Variants in ANTXR1 observed in about 807,000 individuals in gnomAD.
ANTXR1 encodes the protein anthrax toxin receptor 1.
Under a neutral mutation model 78.1 loss-of-function variants are expected in ANTXR1, and 19 were observed. The ratio of observed to expected loss-of-function variants is 0.24; its 90% confidence interval spans 0.17 to 0.36. The LOEUF (loss-of-function observed/expected upper bound fraction) is 0.36. ANTXR1 is among the 10% of genes least tolerant of loss of function. The pLI is 1.00. For synonymous variants in ANTXR1, 273 were observed against 260.5 expected (o/e 1.05, Z -0.46); for missense variants, 518 against 718.6 (o/e 0.72, Z 3.19).
At chr2:69,093,027 A>T (rs150079295) in intron 9 of ANTXR1, among the ~76,000 whole-genome samples, 1 of 152,364 alleles carries the variant, frequency 6.6e-6, no homozygotes, top group Non-Finnish European at 1.5e-5. Flanking sequence ...CAACCTTGGA[A>T]TGAATCAGAA....
At position 69,041,237 on chromosome 2, in the gene ANTXR1, C is replaced by T. The variant is rs370628740; in HGVS notation, c.224+1122C>T. 1.2e-3 allele frequency among the ~76,000 whole-genome samples: 189 copies of T among 152,282 alleles called. 9 individuals carry two copies. The South Asian group carries it at 0.037, about 30-fold the overall frequency. The stretch of plus-strand genomic sequence containing the variant: ...CATAGAAACTAGGAATTAAAAGGAA[C>T]GAGACTTCCCAGCCTATCCTAGGAG... On this transcript the variant is annotated intron_variant, in intron 2 of 17. Transcript: ENST00000303714.
intron 16 of ANTXR1, among the ~76,000 whole-genome samples, chr2:69,188,882 G>T (rs1674487398): frequency 6.6e-6 from 1 of 152,194 alleles, no homozygotes; most frequent in Admixed American, 6.5e-5. Context: ...CCAAAGGGTT[G>T]TTATTAACGA....
intron 17 of ANTXR1, among the ~76,000 whole-genome samples, chr2:69,195,979 A>G (rs1674659560): frequency 6.6e-6 from 1 of 152,252 alleles, no homozygotes; most frequent in South Asian, 2.1e-4. Context: ...GTTATAGGAA[A>G]GAGGCTGGAT....
At chr2:69,197,145 C>T (rs2104480643) in intron 17 of ANTXR1, among the ~76,000 whole-genome samples, 1 of 152,318 alleles carries the variant, frequency 6.6e-6, no homozygotes, top group African/African-American at 2.4e-5. Flanking sequence ...TTCCTTGGAG[C>T]CCACCAGGAA....
rs1410040712 is a variant in ANTXR1, at chr2:69,246,209, T to C, written c.*724T>C. 1 of 152,354 alleles carries C rather than the reference T, an allele frequency of 6.6e-6. No individual in the cohort carries two copies. The highest frequency in any genetic ancestry group is 1.5e-5 in the Non-Finnish European group (1 of 68,052). The allele number at this position is 152,354 out of a possible 1,614,324, so 9.4% of individuals were successfully genotyped here. On this transcript the variant is annotated 3_prime_UTR_variant, in exon 18 of 18. Transcript: ENST00000303714. ...TGTGCAATAGACAGGGGCGTATTCA[T>C]GGGAGCATCAGCCAGTTTCTAAAAC... is the stretch of plus-strand genomic sequence containing the variant.
intron 3 of ANTXR1, among the ~76,000 whole-genome samples, chr2:69,049,813 A>G (rs552568375): frequency 1.3e-5 from 2 of 152,270 alleles, no homozygotes; most frequent in South Asian, 2.1e-4. Flanking sequence ...TTTTACAATT[A>G]TGCATTTTAT....
At chr2:69,036,343 G>A (rs893704904) in intron 1 of ANTXR1, among the ~76,000 whole-genome samples, 3 of 152,118 alleles carry the variant, frequency 2.0e-5, no homozygotes, top group Non-Finnish European at 4.4e-5. Context: ...ATCCCCTCAA[G>A]CATTTATCCT....
intron 16 of ANTXR1, among the ~76,000 whole-genome samples, chr2:69,190,100 G>T (rs1466165653): frequency 6.6e-6 from 1 of 152,182 alleles, no homozygotes; most frequent in East Asian, 1.9e-4. Context: ...AGGCAGAGGG[G>T]GAGGAGCAGA....
At chr2:69,084,029 G>C (rs990187180) in intron 8 of ANTXR1, among the ~76,000 whole-genome samples, 4 of 152,154 alleles carry the variant, frequency 2.6e-5, no homozygotes, top group African/African-American at 9.7e-5. Flanking sequence ...GCTTGAACAG[G>C]CTACAAAGAT....
chr2:69,067,836 G>A (rs748689983), intron 3 of ANTXR1, among the ~76,000 whole-genome samples: 1 of 152,188 alleles, frequency 6.6e-6, no homozygotes, highest in African/African-American at 2.4e-5. Flanking sequence ...GGCCTTGGTG[G>A]GGGACACTGC....
intron 12 of ANTXR1, among the ~76,000 whole-genome samples, chr2:69,139,520 A>G (rs777664752): frequency 3.9e-5 from 6 of 152,210 alleles, no homozygotes; most frequent in Non-Finnish European, 8.8e-5. Context: ...TTCTTGGTTT[A>G]TTGACACCCT....
intron 1 of ANTXR1, among the ~76,000 whole-genome samples, chr2:69,035,381 G>T (rs1671650098): frequency 6.6e-6 from 1 of 152,196 alleles, no homozygotes; most frequent in Non-Finnish European, 1.5e-5. Flanking sequence ...TTCTCCAAGA[G>T]GTGGTTTGAT....
At chr2:69,184,868 T>C (rs1052908169) in intron 16 of ANTXR1, among the ~76,000 whole-genome samples, 1 of 152,152 alleles carries the variant, frequency 6.6e-6, no homozygotes, top group Non-Finnish European at 1.5e-5. Flanking sequence ...ATTTAAAAAA[T>C]ACAGATTCCC....
In ANTXR1 at chr2:69,231,890, G is replaced by A. The variant is rs77284548; in HGVS notation, c.1435-13335G>A. Among the ~76,000 whole-genome samples the A allele has an allele frequency of 2.9e-3, 449 of 152,272 alleles. 4 individuals are homozygous for A. Among genetic ancestry groups the A allele is most frequent in the African/African-American group, 9.9e-3 (411 of 41,556 alleles). ...ATATTCAAAACAATCACAGCCAACC[G>A]AGATTCAAGGGAGTAGAGGCATAGA... On this transcript the variant is annotated intron_variant, in intron 17 of 17. Transcript: ENST00000303714.
chr2:69,237,860 ATGTG>A (rs926389362), intron 17 of ANTXR1, among the ~76,000 whole-genome samples: 1 of 152,286 alleles, frequency 6.6e-6, no homozygotes, highest in East Asian at 1.9e-4. Flanking sequence ...ATTTATATAT[ATGTG>A]TGTGTGTGCA....
intron 10 of ANTXR1, among the ~76,000 whole-genome samples, chr2:69,111,411 A>G (rs1671973379): frequency 6.6e-6 from 1 of 152,252 alleles, no homozygotes; most frequent in Non-Finnish European, 1.5e-5. Context: ...TACTAATGCA[A>G]TAATGAAAAA....
intron 8 of ANTXR1, among the ~76,000 whole-genome samples, chr2:69,079,737 G>C (rs1331882078): frequency 6.6e-6 from 1 of 152,248 alleles, no homozygotes; most frequent in Non-Finnish European, 1.5e-5. Flanking sequence ...GATACCCAGA[G>C]ACTGTAGGCC....
chr2:69,238,937 C>G (rs888866677), intron 17 of ANTXR1, among the ~76,000 whole-genome samples: 1 of 152,172 alleles, frequency 6.6e-6, no homozygotes. Context: ...GATGCCCAAA[C>G]AGATGTCTCA....
intron 8 of ANTXR1, among the ~76,000 whole-genome samples, chr2:69,090,418 C>T (rs1477664497): frequency 2.6e-5 from 4 of 152,036 alleles, no homozygotes; most frequent in Non-Finnish European, 5.9e-5. Context: ...TTCCATGAAG[C>T]CTTTCCTAGC....
Sources: gnomAD v4.1 joint callset for allele counts (sites outside exome capture counted in the v4.1 genomes callset) on GRCh38, gnomAD v4.1.1 for gene constraint, MANE v1.5 for transcripts, NCBI Gene and HGNC (gene_info 2026-07-23, HGNC 2026-07-21) for gene names.